PLCG2: variants seen among roughly 807,000 people sequenced by gnomAD.
The protein encoded by PLCG2 is phospholipase C gamma 2.
A neutral mutation model predicts 175.6 loss-of-function variants in PLCG2; 69 were observed. The ratio of observed to expected loss-of-function variants is 0.39; its 90% CI spans 0.32 to 0.48. The LOEUF (loss-of-function observed/expected upper bound fraction) is 0.48, where lower values mean the gene tolerates loss of function less well. PLCG2 is among the 20% of genes least tolerant of loss of function. The probability of loss-of-function intolerance (pLI) is 0.91; values close to 1 mark genes in which losing one functional copy is unlikely to be tolerated. For missense variants in PLCG2, 1,798 were observed against 1,650.9 expected, an observed-to-expected ratio of 1.09 and a Z score of -1.54; for synonymous variants, 827 against 624.0, an observed-to-expected ratio of 1.33 and a Z score of -4.85.
At chr16:81,894,760 C>G (rs1908801843) in intron 12 of PLCG2, among the ~76,000 whole-genome samples, 1 of 152,046 alleles carries the variant, frequency 6.6e-6, no homozygotes, top group Non-Finnish European at 1.5e-5. Flanking sequence ...GTAATCCCAG[C>G]TGCTTGGGAG....
chr16:81,789,764 C>T (rs944548141), intron 2 of PLCG2, among the ~76,000 whole-genome samples: 29 of 152,048 alleles, frequency 1.9e-4, no homozygotes, highest in African/African-American at 6.8e-4. Flanking sequence ...AGAGACACTG[C>T]CCTTCCTCCA....
At chr16:81,749,408 A>G (rs542049613) in intron 1 of PLCG2, among the ~76,000 whole-genome samples, 1 of 152,110 alleles carries the variant, frequency 6.6e-6, no homozygotes, top group Admixed American at 6.5e-5. Flanking sequence ...GCCGGAGTGC[A>G]GTGGTGTGAT....
rs541588613 is a variant in PLCG2, at chr16:81,820,681, C to T, written c.194-33763C>T. On this transcript the variant is annotated intron_variant, in intron 2 of 32. Transcript: ENST00000564138. ...TATTACCCAGGCTGGAGTGCAGTGG[C>T]GCAATCTTGGCCCACTGCAGCTTCC... Among the ~76,000 whole-genome samples, 14 of 152,176 alleles carry T rather than the reference C, an allele frequency of 9.2e-5. No individual in the cohort carries two copies. The East Asian group carries it at 1.9e-3, about 21-fold the overall frequency.
rs143637627 is a variant in PLCG2, at chr16:81,927,199, C to T, written c.2514+21C>T. 30 of 1,529,126 alleles carry T rather than the reference C, an allele frequency of 2.0e-5. No individual in the cohort carries two copies. In the African/African-American group the frequency reaches 2.6e-4, roughly 13 times the overall value. 94.7% of individuals were successfully genotyped at this position (1,529,126 alleles called of 1,614,324 possible). ...AGCAGGTGAGTCCCCCTCTTCGATC[C>T]TCTTACAGGAAGAAGGGATCTGCAG... On this transcript the variant is annotated intron_variant, in intron 23 of 32. Coordinates refer to ENST00000564138, the MANE Select transcript of PLCG2 (RefSeq NM_002661.5).
At position 81,816,793 on chromosome 16, in the gene PLCG2, T is replaced by C. The variant is rs1036387195; in HGVS notation, c.193+30611T>C. Among the ~76,000 whole-genome samples the C allele has an allele frequency of 2.7e-5, 4 of 150,730 alleles. No homozygotes were observed. In the South Asian group the frequency reaches 6.3e-4, roughly 24 times the overall value. Reference sequence around the variant, plus strand: ...CTGGGATTACAGGCATTAGCCACGGTGCCCAGCCAGAAATTATGACTTACT... The same window carrying C: ...CTGGGATTACAGGCATTAGCCACGGCGCCCAGCCAGAAATTATGACTTACT... On this transcript the variant is annotated intron_variant, in intron 2 of 32. Coordinates refer to ENST00000564138, the MANE Select transcript of PLCG2 (RefSeq NM_002661.5).
intron 30 of PLCG2, among the ~76,000 whole-genome samples, chr16:81,942,987 T>C (rs998043170): frequency 7.9e-5 from 12 of 151,858 alleles, no homozygotes; most frequent in Admixed American, 5.2e-4. Flanking sequence ...CGAGAGAAGG[T>C]ACATAGAGCT....
Position 81,923,565 on chromosome 16 carries a change from C to G in PLCG2, c.2388C>G (p.Ile796Met). 1.2e-6 allele frequency: 2 copies of G among 1,612,914 alleles called. No homozygotes were observed. Among genetic ancestry groups the G allele is most frequent in the East Asian group, 2.2e-5 (1 of 44,870 alleles). Reference sequence around the variant, plus strand: ...TGAGCTTCTGCCGTGGTGCCCTCATCCACAATGTCTCCAAGGAGCCCGGGG... The same window carrying G: ...TGAGCTTCTGCCGTGGTGCCCTCATGCACAATGTCTCCAAGGAGCCCGGGG... ...DELSFCRGAL[I>M]HNVSKEPGGW... Residue 796 changes from isoleucine to methionine, a missense_variant, in exon 22 of 33, where the codon ATC (isoleucine) becomes ATG (methionine). By Grantham distance (10) the Ile-to-Met change is conservative. Coordinates refer to ENST00000564138, the MANE Select transcript of PLCG2 (RefSeq NM_002661.5).
chr16:81,844,671 AGCAGGTCTATGATCTGGATTGT>A (rs1250287824), intron 2 of PLCG2, among the ~76,000 whole-genome samples: 3 of 152,242 alleles, frequency 2.0e-5, no homozygotes, highest in African/African-American at 7.2e-5. Context: ...AACCTCGTAC[AGCAGGTCTATGATCTGGATTGT>A]GCATTTTGCA....
At chr16:81,936,665 A>G (rs1404177156) in intron 27 of PLCG2, among the ~76,000 whole-genome samples, 1 of 152,200 alleles carries the variant, frequency 6.6e-6, no homozygotes, top group Non-Finnish European at 1.5e-5. Context: ...TCATGTAATT[A>G]AAGCATCTTT....
chr16:81,828,545 G>T (rs759726139), intron 2 of PLCG2, among the ~76,000 whole-genome samples: 1 of 152,090 alleles, frequency 6.6e-6, no homozygotes, highest in East Asian at 1.9e-4. Flanking sequence ...GCCGAGAAGC[G>T]TCATTTTTAT....
intron 31 of PLCG2, among the ~76,000 whole-genome samples, chr16:81,955,476 T>A (rs1295431970): frequency 6.6e-6 from 1 of 152,202 alleles, no homozygotes; most frequent in Non-Finnish European, 1.5e-5. Context: ...TCCCCCTGCA[T>A]TGAAACCCAA....
intron 12 of PLCG2, among the ~76,000 whole-genome samples, chr16:81,894,994 A>G (rs1438309336): frequency 6.6e-6 from 1 of 152,200 alleles, no homozygotes; most frequent in African/African-American, 2.4e-5. Context: ...TACTCTATAG[A>G]CTTTCTTCCC....
At chr16:81,918,367 C>G (rs748400388) in intron 19 of PLCG2, among the ~76,000 whole-genome samples, 1 of 152,016 alleles carries the variant, frequency 6.6e-6, no homozygotes, top group Non-Finnish European at 1.5e-5. Flanking sequence ...TTTTGAGCTG[C>G]TTTTTTTGTT....
At chr16:81,744,956 G>A (rs1405099014) in intron 1 of PLCG2, among the ~76,000 whole-genome samples, 1 of 152,178 alleles carries the variant, frequency 6.6e-6, no homozygotes, top group Non-Finnish European at 1.5e-5. Context: ...AGGAAGAAGG[G>A]TTGGTTTTTC....
Position 81,891,543 on chromosome 16 carries a change from C to G in PLCG2, c.939C>G (p.Asp313Glu), listed in dbSNP as rs1485492391. 1 of 1,611,398 alleles carries G rather than the reference C, an allele frequency of 6.2e-7. No individual in the cohort carries two copies. Residue 313 changes from aspartate (D) to glutamate (E), a missense_variant, in exon 11 of 33, where the codon GAC (aspartate) becomes GAG (glutamate). Transcript: ENST00000564138. ...DEKYDAVDMQ[D>E]MNNPLSHYWI... ...AGTATGACGCGGTGGACATGCAGGA[C>G]ATGAACAACCCCCTGTCTCATTACT...
chr16:81,942,472 A>AAAT (rs1366201695), intron 30 of PLCG2, among the ~76,000 whole-genome samples: 16 of 152,214 alleles, frequency 1.1e-4, no homozygotes, highest in African/African-American at 3.9e-4. Flanking sequence ...GGGAGGAATG[A>AAAT]AATAGAATGA....
At chr16:81,797,543 G>T (rs1476724020) in intron 2 of PLCG2, among the ~76,000 whole-genome samples, 1 of 152,220 alleles carries the variant, frequency 6.6e-6, no homozygotes, top group Non-Finnish European at 1.5e-5. Context: ...TGTCTGTTCT[G>T]TTCATAAGGG....
intron 2 of PLCG2, among the ~76,000 whole-genome samples, chr16:81,787,902 A>G (rs1911055314): frequency 6.6e-6 from 1 of 152,098 alleles, no homozygotes; most frequent in East Asian, 1.9e-4. Flanking sequence ...TGGATCAGAA[A>G]TTTTCCTTTT....
At chr16:81,948,548 G>A (rs762697352) in intron 31 of PLCG2, among the ~76,000 whole-genome samples, 1 of 152,142 alleles carries the variant, frequency 6.6e-6, no homozygotes, top group Non-Finnish European at 1.5e-5. Flanking sequence ...CTAGATTAAG[G>A]CTTATCCTAG....
Sources: allele counts gnomAD v4.1 joint callset (sites outside exome capture counted in the v4.1 genomes callset), GRCh38; gene constraint gnomAD v4.1.1; transcripts MANE v1.5; gene names NCBI Gene and HGNC (gene_info 2026-07-23, HGNC 2026-07-21).